CPLX3: variants seen among roughly 807,000 people sequenced by gnomAD.
The protein encoded by CPLX3 is complexin 3.
A neutral mutation model predicts 17.2 loss-of-function variants in CPLX3; 12 were observed. The observed-to-expected ratio is 0.70, with a 90% confidence interval of 0.45 to 1.13. The LOEUF is 1.13. CPLX3 is among the 50% of genes most tolerant of loss of function. CPLX3 has a pLI of 0.00. For missense variants in CPLX3, 172 were observed against 203.2 expected (o/e 0.85, Z 0.93); for synonymous variants, 75 against 79.4 (o/e 0.94, Z 0.29).
intron 1 of CPLX3, among the ~76,000 whole-genome samples, chr15:74,827,081 T>G (rs2063946962): frequency 6.7e-6 from 1 of 148,470 alleles, no homozygotes. Context: ...CAAGGGGGAG[T>G]GGGGGGAGGG....
In CPLX3 at chr15:74,826,826, G is replaced by T; in HGVS notation, c.123G>T (p.Arg41=). 6 of 1,605,148 alleles carry T rather than the reference G, an allele frequency of 3.7e-6. No homozygotes were observed. The highest frequency in any genetic ancestry group is 5.1e-6 in the Non-Finnish European group (6 of 1,175,742). ...KSAAEAQGMS[R]EEYEEYQKQL... is the part of the protein sequence containing the mutation. Reference sequence around the variant, plus strand: ...CAGCCGAAGCTCAGGGCATGAGCCGGGAGGAGTACGAGGAGTATCAGAAGC... The same window carrying T: ...CAGCCGAAGCTCAGGGCATGAGCCGTGAGGAGTACGAGGAGTATCAGAAGC... The change falls in exon 1 of 3, where the codon CGG becomes CGT. Residue 41 remains arginine, a synonymous_variant. Transcript: ENST00000395018. This position sits in a 1 kb window ranked among gnomAD's most constrained non-coding sequence, Gnocchi z 5.0.
rs746910715 is a variant in CPLX3 at position 74,828,094 on chromosome 15, C to T, written c.225C>T (p.His75=). 3.2e-5 allele frequency: 52 copies of T among 1,603,470 alleles called. No individual in the cohort carries two copies. The highest frequency in any genetic ancestry group is 4.3e-5 in the Non-Finnish European group (50 of 1,174,626). The part of the protein sequence containing the change: ...RKAERATLRS[H]FRDKYRLPKN... The stretch of plus-strand genomic sequence containing the variant: ...CAGAGCGGGCCACACTGCGGAGCCA[C>T]TTCCGAGACAAATACCGGCTACCCA... Residue 75 remains histidine, a synonymous_variant, in exon 2 of 3, where the codon CAC becomes CAT. Transcript: ENST00000395018.
At position 74,826,985 on chromosome 15, in the gene CPLX3, G is replaced by A; in HGVS notation, c.164+118G>A. The A allele has an allele frequency of 1.1e-6, 1 of 921,394 alleles. No homozygotes were observed. Among genetic ancestry groups the A allele is most frequent in the African/African-American group, 1.8e-5 (1 of 56,670 alleles). The allele number at this position is 921,394 out of a possible 1,614,324, so 57.1% of individuals were successfully genotyped here. ...CTTCTCCCCTACTTTCCTAGACACG[G>A]TAAGAGACCGGGAGGTGTCCTCTAC... On this transcript the variant is annotated intron_variant, in intron 1 of 2. Transcript: ENST00000395018. The surrounding 1 kb of genome is among the most constrained non-coding windows in gnomAD (Gnocchi z 5.0).
chr15:74,830,986 C>T lies in CPLX3; in HGVS notation c.*632C>T, dbSNP rs1275551068. 5 of 152,788 alleles carry T rather than the reference C, an allele frequency of 3.3e-5. No individual in the cohort carries two copies. Among genetic ancestry groups the T allele is most frequent in the African/African-American group, 1.2e-4 (5 of 41,458 alleles). The allele number at this position is 152,788 out of a possible 1,614,324, so 9.5% of individuals were successfully genotyped here. A position where few individuals can be genotyped will look rare whatever the true frequency, so the allele number is the denominator to read the frequency against. On this transcript the variant is annotated 3_prime_UTR_variant, in exon 3 of 3. Transcript: ENST00000395018. ...TGTCAGAGCCAAGCCCACATCCCTC[C>T]TTGGGCAGGGCAGCAGCTGCTGCCA... is the stretch of plus-strand genomic sequence containing the variant.
rs1331912387 is a variant in CPLX3, at chr15:74,831,581, A to G, written c.*1227A>G. The G allele has an allele frequency of 1.3e-5, 2 of 152,052 alleles. No homozygotes were observed. The highest frequency in any genetic ancestry group is 2.4e-5 in the African/African-American group (1 of 41,346). The allele number at this position is 152,052 out of a possible 1,614,324, so 9.4% of individuals were successfully genotyped here. A position where few individuals can be genotyped will look rare whatever the true frequency, so the allele number is the denominator to read the frequency against. ...ACACCCCTCCTCACCCTAGAGACGG[A>G]AGATGTGCAAAAAGAAAGAAGGAAG... On this transcript the variant is annotated 3_prime_UTR_variant, in exon 3 of 3. Coordinates refer to ENST00000395018, the MANE Select transcript of CPLX3 (RefSeq NM_001030005.3).
intron 2 of CPLX3, among the ~76,000 whole-genome samples, chr15:74,828,356 G>C (rs1041346204): frequency 6.6e-6 from 1 of 152,202 alleles, no homozygotes; most frequent in Non-Finnish European, 1.5e-5. Context: ...GAGACTGACA[G>C]GTCTGTATTT....
chr15:74,828,859 C>T (rs2063955519), intron 2 of CPLX3, among the ~76,000 whole-genome samples: 1 of 152,130 alleles, frequency 6.6e-6, no homozygotes, highest in African/African-American at 2.4e-5. Context: ...CCCCCACGCT[C>T]CCCTGGGCAG....
intron 2 of CPLX3, among the ~76,000 whole-genome samples, chr15:74,829,871 T>C (rs1230114318): frequency 6.6e-6 from 1 of 151,710 alleles, no homozygotes; most frequent in Non-Finnish European, 1.5e-5. Context: ...GGCTCAAGAA[T>C]CTAAGGGGCC....
At position 74,826,752 on chromosome 15, in the gene CPLX3, A is replaced by C; in HGVS notation, c.49A>C (p.Thr17Pro). The C allele has an allele frequency of 6.2e-7, 1 of 1,611,334 alleles. No individual in the cohort carries two copies. The highest frequency in any genetic ancestry group is 8.5e-7 in the Non-Finnish European group (1 of 1,178,682). ...GGTGGGCGGCCAGCTGAAGAACCTC[A>C]CTGGGAGCCTGGGAGGCGGCGAGGA... ...TMVGGQLKNL[T>P]GSLGGGEDKG... Residue 17 changes from threonine to proline, a missense_variant, in exon 1 of 3, where the codon ACT (threonine) becomes CCT (proline). Thr to Pro is a conservative substitution (Grantham distance 38, BLOSUM62 -1). Coordinates refer to ENST00000395018, the MANE Select transcript of CPLX3 (RefSeq NM_001030005.3). The surrounding 1 kb of genome is among the most constrained non-coding windows in gnomAD (Gnocchi z 5.0).
rs939229727 is a variant in CPLX3 at position 74,831,550 on chromosome 15, G to A, written c.*1196G>A. The A allele has an allele frequency of 1.3e-5, 2 of 152,158 alleles. No homozygotes were observed. Among genetic ancestry groups the A allele is most frequent in the African/African-American group, 2.4e-5 (1 of 41,376 alleles). The allele number at this position is 152,158 out of a possible 1,614,324, so 9.4% of individuals were successfully genotyped here. A position where few individuals can be genotyped will look rare whatever the true frequency, so the allele number is the denominator to read the frequency against. ...TGGACCGCAGCTGTCTTGGGTGCCT[G>A]TGCCTACACCCCTCCTCACCCTAGA... On this transcript the variant is annotated 3_prime_UTR_variant, in exon 3 of 3. Transcript: ENST00000395018.
chr15:74,826,655 G>C lies in CPLX3; in HGVS notation c.-49G>C, dbSNP rs1184965956. ...GCTGAAGTAGGCGCGGACGTGCCCGGTGCCTGGCGCGTGGTAGCAGGCGCC... is the reference window on the plus strand; with the variant it reads ...GCTGAAGTAGGCGCGGACGTGCCCGCTGCCTGGCGCGTGGTAGCAGGCGCC... On this transcript the variant is annotated 5_prime_UTR_variant, in exon 1 of 3. Transcript: ENST00000395018. This position sits in a 1 kb window ranked among gnomAD's most constrained non-coding sequence, Gnocchi z 5.0. 6.3e-7 allele frequency: 1 copy of C among 1,586,278 alleles called. No homozygotes were observed. Among genetic ancestry groups the C allele is most frequent in the Non-Finnish European group, 8.6e-7 (1 of 1,167,912 alleles).
chr15:74,827,961 C>A lies in CPLX3; in HGVS notation c.165-73C>A, dbSNP rs2063950949. The A allele has an allele frequency of 7.1e-6, 9 of 1,258,808 alleles. No individual in the cohort carries two copies. In the South Asian group the frequency reaches 8.9e-5, roughly 12 times the overall value. 78.0% of individuals were successfully genotyped at this position (1,258,808 alleles called of 1,614,324 possible). ...AGCTGCTAGGACTCAGAGACCCCTTCTGTCCCTCCCTCGAAGACCTCAACC... is the reference window on the plus strand; with the variant it reads ...AGCTGCTAGGACTCAGAGACCCCTTATGTCCCTCCCTCGAAGACCTCAACC... On this transcript the variant is annotated intron_variant, in intron 1 of 2. Coordinates refer to ENST00000395018, the MANE Select transcript of CPLX3 (RefSeq NM_001030005.3).
chr15:74,828,378 C>A (rs2063953431), intron 2 of CPLX3, among the ~76,000 whole-genome samples: 1 of 152,210 alleles, frequency 6.6e-6, no homozygotes, highest in Non-Finnish European at 1.5e-5. Context: ...TGGAGCCAAT[C>A]TAGGCCTCTT....
rs1404470976 is a variant in CPLX3, at chr15:74,826,777, A to T, written c.74A>T (p.Asp25Val). The change falls in exon 1 of 3, where the codon GAT (aspartate) becomes GTT (valine). Residue 25 changes from aspartate (D) to valine (V), a missense_variant. Coordinates refer to ENST00000395018, the MANE Select transcript of CPLX3 (RefSeq NM_001030005.3). This position sits in a 1 kb window ranked among gnomAD's most constrained non-coding sequence, Gnocchi z 5.0. Reference sequence around the variant, plus strand: ...ACTGGGAGCCTGGGAGGCGGCGAGGATAAGGGAGATGGGGACAAGTCGGCA... The same window carrying T: ...ACTGGGAGCCTGGGAGGCGGCGAGGTTAAGGGAGATGGGGACAAGTCGGCA... ...NLTGSLGGGE[D>V]KGDGDKSAAE... is the part of the protein sequence containing the mutation. The T allele has an allele frequency of 6.2e-7, 1 of 1,608,484 alleles. No individual in the cohort carries two copies. The highest frequency in any genetic ancestry group is 8.5e-7 in the Non-Finnish European group (1 of 1,177,416).
intron 2 of CPLX3, among the ~76,000 whole-genome samples, chr15:74,828,887 G>A (rs534453381): frequency 2.0e-5 from 3 of 152,164 alleles, no homozygotes; most frequent in South Asian, 2.1e-4. Flanking sequence ...CCAGATGGGC[G>A]TGTAAGTGTG....
At chr15:74,830,058 C>A in intron 2 of CPLX3, 72 bp from the exon 3 acceptor site, 1 of 1,192,922 alleles carries the variant, frequency 8.4e-7, no homozygotes, top group Non-Finnish European at 1.2e-6. Context: ...CAAGCCTCCT[C>A]CCTGTCCTCT....
rs2063965759 is a variant in CPLX3 at position 74,830,798 on chromosome 15, C to G, written c.*444C>G. 1 of 162,318 alleles carries G rather than the reference C, an allele frequency of 6.2e-6. No individual in the cohort carries two copies. Among genetic ancestry groups the G allele is most frequent in the Non-Finnish European group, 1.4e-5 (1 of 73,844 alleles). 10.1% of individuals were successfully genotyped at this position (162,318 alleles called of 1,614,324 possible). ...CCCTCCAGACACCACCACTCAGAAA[C>G]TCTGAGAGAGAGCATGGGCAGACAC... On this transcript the variant is annotated 3_prime_UTR_variant, in exon 3 of 3. Coordinates refer to ENST00000395018, the MANE Select transcript of CPLX3 (RefSeq NM_001030005.3).
rs761543817 is a variant in CPLX3 at position 74,826,818 on chromosome 15, A to T, written c.115A>T (p.Met39Leu). The change falls in exon 1 of 3, where the codon ATG becomes TTG. Residue 39 changes from methionine to leucine, a missense_variant. Coordinates refer to ENST00000395018, the MANE Select transcript of CPLX3 (RefSeq NM_001030005.3). The surrounding 1 kb of genome is among the most constrained non-coding windows in gnomAD (Gnocchi z 5.0). Reference protein sequence around the residue: ...GDKSAAEAQGMSREEYEEYQK... With the variant: ...GDKSAAEAQGLSREEYEEYQK... The stretch of plus-strand genomic sequence containing the variant: ...CAAGTCGGCAGCCGAAGCTCAGGGC[A>T]TGAGCCGGGAGGAGTACGAGGAGTA... The T allele has an allele frequency of 1.2e-6, 2 of 1,604,844 alleles. No homozygotes were observed. Among genetic ancestry groups the T allele is most frequent in the Middle Eastern group, 1.7e-4 (1 of 6,036 alleles).
At position 74,830,170 on chromosome 15, in the gene CPLX3, A is replaced by G; in HGVS notation, c.293A>G (p.Asp98Gly). 6.2e-7 allele frequency: 1 copy of G among 1,613,726 alleles called. No homozygotes were observed. Among genetic ancestry groups the G allele is most frequent in the South Asian group, 1.1e-5 (1 of 91,054 alleles). Residue 98 changes from aspartate (D) to glycine (G), a missense_variant, in exon 3 of 3, where the codon GAC becomes GGC. Physicochemically the swap from Asp to Gly is moderately conservative, Grantham distance 94. Transcript: ENST00000395018. Reference protein sequence around the residue: ...DESQIQMAGGDVELPRELAKM... With the variant: ...DESQIQMAGGGVELPRELAKM... Reference sequence around the variant, plus strand: ...AGCCAGATCCAGATGGCAGGTGGAGACGTGGAGCTGCCCCGGGAGCTGGCC... The same window carrying G: ...AGCCAGATCCAGATGGCAGGTGGAGGCGTGGAGCTGCCCCGGGAGCTGGCC...
Sources: gnomAD v4.1 joint callset for allele counts (sites outside exome capture counted in the v4.1 genomes callset) on GRCh38, gnomAD v4.1.1 for gene constraint, Gnocchi (gnomAD v3.1) non-coding constraint, MANE v1.5 for transcripts, NCBI Gene and HGNC (gene_info 2026-07-23, HGNC 2026-07-21) for gene names.